KLHDC4: variants seen among roughly 807,000 people sequenced by gnomAD.
KLHDC4 encodes the protein kelch domain-containing protein 4.
In KLHDC4, 90 loss-of-function variants were observed where a neutral mutation model predicts 62.4. The ratio of observed to expected loss-of-function variants is 1.44; its 90% confidence interval spans 1.22 to 1.72. KLHDC4 has a LOEUF of 1.72. KLHDC4 is among the 40% of genes most tolerant of loss of function. The pLI is 0.00. For missense variants in KLHDC4, 1,025 were observed against 699.7 expected, an observed-to-expected ratio of 1.47 and a Z score of -5.25; for synonymous variants, 386 against 284.4, an observed-to-expected ratio of 1.36 and a Z score of -3.59.
Position 87,762,051 on chromosome 16 carries a change from C to A in KLHDC4, c.100-11G>T, listed in dbSNP as rs377687804. 3 of 1,612,680 alleles carry A rather than the reference C, an allele frequency of 1.9e-6. No homozygotes were observed. Among genetic ancestry groups the A allele is most frequent in the Non-Finnish European group, 8.5e-7 (1 of 1,179,468 alleles). On this transcript the variant is annotated splice_polypyrimidine_tract_variant and intron_variant, in intron 1 of 11. Coordinates refer to ENST00000270583, the MANE Select transcript of KLHDC4 (RefSeq NM_017566.4). ...CGCTTCCAGGTCTTCCTAGGGCAAG[C>A]AAGCAGGCACACGTGAGACTTATTC...
At chr16:87,741,923 C>T (rs930694097) in intron 5 of KLHDC4, among the ~76,000 whole-genome samples, 2 of 152,198 alleles carry the variant, frequency 1.3e-5, no homozygotes, top group South Asian at 2.1e-4. Flanking sequence ...GGTAGCAACG[C>T]CTATTCCGTT....
intron 6 of KLHDC4, 138 bp from the exon 7 acceptor site, chr16:87,727,062 A>G: frequency 1.2e-6 from 1 of 845,384 alleles, no homozygotes; most frequent in Non-Finnish European, 1.8e-6. Context: ...CTCTGCTCTT[A>G]CACCAACACA....
At chr16:87,764,082 C>T (rs1567850711) in intron 1 of KLHDC4, among the ~76,000 whole-genome samples, 1 of 152,174 alleles carries the variant, frequency 6.6e-6, no homozygotes, top group African/African-American at 2.4e-5. Flanking sequence ...AAACTGTCCC[C>T]AATCCTTCCC....
downstream of KLHDC4, among the ~76,000 whole-genome samples, chr16:87,705,337 G>C (rs1324717272): frequency 6.6e-6 from 1 of 152,232 alleles, no homozygotes; most frequent in African/African-American, 2.4e-5. Context: ...CTCCGCCCAG[G>C]AATCCACCAC....
intron 7 of KLHDC4, among the ~76,000 whole-genome samples, chr16:87,718,332 T>TCACCCTCTCCTCCCCCTCCCC: frequency 2.4e-4 from 2 of 8,174 alleles, no homozygotes; most frequent in South Asian, 0.017. Context: ...TCCCTCTCCC[T>TCACCCTCTCCTCCCCCTCCCC]CCCCCTCTCC....
intron 6 of KLHDC4, among the ~76,000 whole-genome samples, chr16:87,727,634 G>C (rs906565420): frequency 1.2e-4 from 18 of 152,356 alleles, no homozygotes; most frequent in Middle Eastern, 3.4e-3. Context: ...CTTTGCTGGA[G>C]GCATGGGGAG....
chr16:87,759,838 C>T (rs1024350265), intron 2 of KLHDC4, among the ~76,000 whole-genome samples: 15 of 151,558 alleles, frequency 9.9e-5, no homozygotes, highest in Non-Finnish European at 2.2e-4. Flanking sequence ...CCAAACACAA[C>T]TTCAGAAACG....
intron 8 of KLHDC4, among the ~76,000 whole-genome samples, chr16:87,713,962 G>A (rs954690538): frequency 2.0e-5 from 3 of 152,174 alleles, no homozygotes; most frequent in South Asian, 4.2e-4. Flanking sequence ...CTTGGAGGCC[G>A]TCCCTGTGAG....
At chr16:87,712,183 G>A (rs903861213) in intron 8 of KLHDC4, among the ~76,000 whole-genome samples, 1 of 152,212 alleles carries the variant, frequency 6.6e-6, no homozygotes, top group African/African-American at 2.4e-5. Context: ...ACGCGCCTAT[G>A]TGATGTGCCA....
At chr16:87,755,596 T>C (rs2044750026) in intron 3 of KLHDC4, 1 of 243,048 alleles carries the variant, frequency 4.1e-6, no homozygotes, top group South Asian at 4.9e-5. Flanking sequence ...TGAGATGAAG[T>C]CTCGCTGTTG....
intron 2 of KLHDC4, among the ~76,000 whole-genome samples, chr16:87,760,606 C>CAAAAA (rs546426686): frequency 3.8e-5 from 2 of 52,158 alleles, no homozygotes; most frequent in Non-Finnish European, 7.6e-5. Context: ...GACTCCGTCC[C>CAAAAA]AAAAAAAAAA....
chr16:87,750,983 C>T (rs545597595), intron 4 of KLHDC4: 1 of 152,220 alleles, frequency 6.6e-6, no homozygotes, highest in Non-Finnish European at 1.5e-5. Flanking sequence ...TGGCTCAAGG[C>T]CGAAACCTAA....
At chr16:87,749,239 G>C (rs1439788991) in intron 4 of KLHDC4, among the ~76,000 whole-genome samples, 1 of 151,992 alleles carries the variant, frequency 6.6e-6, no homozygotes, top group Non-Finnish European at 1.5e-5. Flanking sequence ...ATTAGCCTCA[G>C]AAGTACAATG....
intron 7 of KLHDC4, among the ~76,000 whole-genome samples, chr16:87,719,964 G>A (rs990294297): frequency 3.9e-5 from 6 of 152,200 alleles, no homozygotes; most frequent in African/African-American, 1.2e-4. Flanking sequence ...ATGTAGTACA[G>A]GCCACCTAGC....
intron 4 of KLHDC4, among the ~76,000 whole-genome samples, chr16:87,751,903 T>C (rs1248401068): frequency 6.6e-6 from 1 of 150,716 alleles, no homozygotes; most frequent in Non-Finnish European, 1.5e-5. Context: ...GAAACCCTAT[T>C]TCTACTAAAA....
Position 87,762,038 on chromosome 16 carries a change from T to G in KLHDC4, c.102A>C (p.Glu34Asp), listed in dbSNP as rs1278861113. 6.2e-7 allele frequency: 1 copy of G among 1,613,336 alleles called. No homozygotes were observed. The highest frequency in any genetic ancestry group is 1.3e-5 in the African/African-American group (1 of 74,878). ...KVSKRSRKEE[E>D]DLEALIAHFQ... ...AATGGGCTATGAGCGCTTCCAGGTC[T>G]TCCTAGGGCAAGCAAGCAGGCACAC... Residue 34 changes from glutamate to aspartate, a missense_variant and splice_region_variant, in exon 2 of 12, where the codon GAA becomes GAC. Coordinates refer to ENST00000270583, the MANE Select transcript of KLHDC4 (RefSeq NM_017566.4).
intron 5 of KLHDC4, among the ~76,000 whole-genome samples, chr16:87,742,156 T>A (rs2042332365): frequency 6.6e-6 from 1 of 151,278 alleles, no homozygotes; most frequent in African/African-American, 2.4e-5. Flanking sequence ...GGCCACATAG[T>A]GTGTGAACCC....
chr16:87,761,131 G>A (rs2045829262), intron 2 of KLHDC4, among the ~76,000 whole-genome samples: 1 of 152,212 alleles, frequency 6.6e-6, no homozygotes, highest in Admixed American at 6.5e-5. Flanking sequence ...AATCCTAATG[G>A]ACATGAAGTG....
At chr16:87,720,386 G>GACCACT in intron 7 of KLHDC4, among the ~76,000 whole-genome samples, 1 of 152,266 alleles carries the variant, frequency 6.6e-6, no homozygotes, top group Middle Eastern at 3.4e-3. Context: ...CCACACCACT[G>GACCACT]AGACTGTCCA....
Sources: gnomAD v4.1 joint callset for allele counts (sites outside exome capture counted in the v4.1 genomes callset) on GRCh38, gnomAD v4.1.1 for gene constraint, MANE v1.5 for transcripts, NCBI Gene and HGNC (gene_info 2026-07-23, HGNC 2026-07-21) for gene names.